The following EYA2 variants were observed in gnomAD, a reference collection of about 807,000 sequenced individuals.
The protein encoded by EYA2 is EYA transcriptional coactivator and phosphatase 2, also known as protein phosphatase EYA2.
In EYA2, 31 loss-of-function variants were observed where a neutral mutation model predicts 69.2. The ratio of observed to expected loss-of-function variants is 0.45; its 90% confidence interval spans 0.34 to 0.60. The LOEUF is 0.60. Ranked by LOEUF, EYA2 falls within the 20% of genes least tolerant of loss-of-function variation. The probability of loss-of-function intolerance (pLI) is 0.02; values close to 1 mark genes in which losing one functional copy is unlikely to be tolerated. For synonymous variants in EYA2, 257 were observed against 279.4 expected (o/e 0.92, Z 0.80); for missense variants, 622 against 701.2 (o/e 0.89, Z 1.28).
chr20:47,053,048 CCTATTG>C (rs2030422175), intron 5 of EYA2, among the ~76,000 whole-genome samples: 1 of 152,208 alleles, frequency 6.6e-6, no homozygotes, highest in Admixed American at 6.5e-5. Flanking sequence ...CAGCCCTTAA[CCTATTG>C]CCTGTGGAGG....
chr20:46,908,907 T>TTA lies in EYA2; in HGVS notation c.-11+13920_-11+13921insTA, dbSNP rs1984504311. Reference sequence around the variant, plus strand: ...TTTTTTTTTTTTTTTTTTTTTTTTTTACCAATTCCTGACCAGAAAGGATGC... The same window carrying TTA: ...TTTTTTTTTTTTTTTTTTTTTTTTTTTAACCAATTCCTGACCAGAAAGGATGC... On this transcript the variant is annotated intron_variant, in intron 1 of 15. Transcript: ENST00000327619. Among the ~76,000 whole-genome samples, 3 of 121,430 alleles carry TTA rather than the reference T, an allele frequency of 2.5e-5. No homozygotes were observed. The Admixed American group carries it at 2.6e-4, about 10-fold the overall frequency. The allele number at this position is 121,430 out of a possible 152,430, so 79.7% of individuals were successfully genotyped here. A position where few individuals can be genotyped will look rare whatever the true frequency, so the allele number is the denominator to read the frequency against.
chr20:47,082,430 A>G (rs764025380), intron 7 of EYA2, among the ~76,000 whole-genome samples: 7 of 136,638 alleles, frequency 5.1e-5, no homozygotes, highest in Non-Finnish European at 1.2e-4. Context: ...GTGAATATCT[A>G]AAAATCAACA....
chr20:47,149,635 G>A (rs2033779197), intron 10 of EYA2, among the ~76,000 whole-genome samples: 1 of 148,576 alleles, frequency 6.7e-6, no homozygotes, highest in South Asian at 2.1e-4. Flanking sequence ...TTGCGGTCAG[G>A]AGTTCAAGAC....
intron 13 of EYA2, among the ~76,000 whole-genome samples, chr20:47,180,397 G>A (rs565252085): frequency 1.3e-5 from 2 of 152,138 alleles, no homozygotes; most frequent in Non-Finnish European, 2.9e-5. Context: ...TGAGCTAATA[G>A]CGGCAGAGAC....
At chr20:46,949,755 CATTTTAAGATTTGTGTGTA>C in intron 1 of EYA2, among the ~76,000 whole-genome samples, 1 of 152,188 alleles carries the variant, frequency 6.6e-6, no homozygotes, top group Admixed American at 6.5e-5. Context: ...GGTTGGTATG[CATTTTAAGATTTGTGTGTA>C]TCTGTCTGTG....
chr20:46,906,570 C>A (rs1442993448), intron 1 of EYA2, among the ~76,000 whole-genome samples: 1 of 152,180 alleles, frequency 6.6e-6, no homozygotes. Flanking sequence ...TCTCTGAGGG[C>A]TAACTTTATG....
intron 4 of EYA2, among the ~76,000 whole-genome samples, chr20:47,005,697 CA>C (rs1006639941): frequency 1.3e-5 from 2 of 152,212 alleles, no homozygotes; most frequent in African/African-American, 4.8e-5. Flanking sequence ...TAAAGGAAAA[CA>C]GAGTGGTAGT....
rs1248593249 is a variant in EYA2 at position 47,183,316 on chromosome 20, A to G, written c.1461A>G (p.Ile487Met). 2 of 1,614,004 alleles carry G rather than the reference A, an allele frequency of 1.2e-6. No individual in the cohort carries two copies. Among genetic ancestry groups the G allele is most frequent in the Non-Finnish European group, 1.7e-6 (2 of 1,180,024 alleles). Reference protein sequence around the residue: ...KTGKESCFERIMQRFGRKAVY... With the variant: ...KTGKESCFERMMQRFGRKAVY... The stretch of plus-strand genomic sequence containing the variant: ...GGAAGGAGAGCTGCTTCGAGAGGAT[A>G]ATGCAGAGATTCGGCAGAAAAGCTG... Residue 487 changes from isoleucine (I) to methionine (M), a missense_variant, in exon 15 of 16, where the codon ATA (isoleucine) becomes ATG (methionine). Coordinates refer to ENST00000327619, the MANE Select transcript of EYA2 (RefSeq NM_005244.5).
At position 47,150,857 on chromosome 20, in the gene EYA2, C is replaced by G. The variant is rs1437722439; in HGVS notation, c.978+7709C>G. On this transcript the variant is annotated intron_variant, in intron 10 of 15. Transcript: ENST00000327619. ...TCTCTTCTGCTCACACCCCATTGGCCTTAACATAGTCACTTGGCCACACCT... is the reference window on the plus strand; with the variant it reads ...TCTCTTCTGCTCACACCCCATTGGCGTTAACATAGTCACTTGGCCACACCT... Among the ~76,000 whole-genome samples the G allele has an allele frequency of 1.3e-5, 2 of 151,966 alleles. 1 individual carries two copies. The highest frequency in any genetic ancestry group is 3.9e-4 in the East Asian group (2 of 5,094).
At chr20:47,082,548 T>G (rs2031759177) in intron 7 of EYA2, among the ~76,000 whole-genome samples, 1 of 152,246 alleles carries the variant, frequency 6.6e-6, no homozygotes. Flanking sequence ...CACTAAAACC[T>G]ATAAAACTGC....
intron 9 of EYA2, among the ~76,000 whole-genome samples, chr20:47,108,627 A>G (rs550163109): frequency 2.5e-4 from 38 of 152,128 alleles, no homozygotes; most frequent in Admixed American, 5.9e-4. Context: ...GCTGGAGTGC[A>G]GTGGCATGAT....
chr20:46,922,499 T>C (rs537666888), intron 1 of EYA2, among the ~76,000 whole-genome samples: 3 of 152,356 alleles, frequency 2.0e-5, no homozygotes, highest in African/African-American at 7.2e-5. Flanking sequence ...AACAGCAGGC[T>C]TCCATCTGAG....
At chr20:47,073,760 CT>C (rs1343547996) in intron 6 of EYA2, among the ~76,000 whole-genome samples, 2 of 152,032 alleles carry the variant, frequency 1.3e-5, no homozygotes, top group African/African-American at 4.8e-5. Flanking sequence ...TTAAAGCCCC[CT>C]GGGTGCAGCT....
At chr20:47,112,887 T>TTTTTTTTTTC (rs1377765303) in intron 9 of EYA2, among the ~76,000 whole-genome samples, 1 of 143,794 alleles carries the variant, frequency 7.0e-6, no homozygotes, top group South Asian at 2.3e-4. Flanking sequence ...TTTTTTTTTT[T>TTTTTTTTTTC]TTGAGACGGA....
At chr20:47,004,522 C>A (rs954855137) in intron 3 of EYA2, among the ~76,000 whole-genome samples, 2 of 152,054 alleles carry the variant, frequency 1.3e-5, no homozygotes, top group African/African-American at 2.4e-5. Flanking sequence ...GGGGTGAAAC[C>A]CTGCAAGGCA....
chr20:47,103,911 A>G (rs2032502126), intron 9 of EYA2, among the ~76,000 whole-genome samples: 4 of 152,222 alleles, frequency 2.6e-5, no homozygotes, highest in African/African-American at 7.2e-5. Context: ...TTGGCATACA[A>G]GTATTTGCAT....
intron 1 of EYA2, among the ~76,000 whole-genome samples, chr20:46,942,833 T>C (rs913030687): frequency 6.6e-6 from 1 of 152,244 alleles, no homozygotes; most frequent in Admixed American, 6.5e-5. Flanking sequence ...TGGCACGATC[T>C]CGGCTCACTA....
intron 5 of EYA2, among the ~76,000 whole-genome samples, chr20:47,048,985 G>T (rs2030186805): frequency 6.6e-6 from 1 of 152,148 alleles, no homozygotes; most frequent in African/African-American, 2.4e-5. Context: ...AATTCATGTG[G>T]TTCTCACAAT....
rs143523255 is a variant in EYA2, at chr20:46,931,806, G to A, written c.-11+36819G>A. 7.7e-3 allele frequency among the ~76,000 whole-genome samples: 1,171 copies of A among 152,170 alleles called. 11 individuals are homozygous for A. The highest frequency in any genetic ancestry group is 0.044 in the Middle Eastern group (13 of 294). On this transcript the variant is annotated intron_variant, in intron 1 of 15. Transcript: ENST00000327619. ...CCCCTCTGGGCTGCAGGAGTAGCCG[G>A]ATTTGGCTTGAGCGTCCAGAGGAGA...
Sources: allele counts gnomAD v4.1 joint callset (sites outside exome capture counted in the v4.1 genomes callset), GRCh38; gene constraint gnomAD v4.1.1; transcripts MANE v1.5; gene names NCBI Gene and HGNC (gene_info 2026-07-23, HGNC 2026-07-21).